The following KCNJ3 variants were observed in gnomAD, a reference collection of about 807,000 sequenced individuals.
The protein encoded by KCNJ3 is potassium inwardly rectifying channel subfamily J member 3.
A neutral mutation model predicts 39.2 loss-of-function variants in KCNJ3; 4 were observed. The observed-to-expected ratio is 0.10, with a 90% confidence interval of 0.05 to 0.23. KCNJ3 has a LOEUF of 0.23. Ranked by LOEUF, KCNJ3 falls within the 10% of genes least tolerant of loss-of-function variation. KCNJ3 has a pLI of 1.00. For missense variants in KCNJ3, 276 were observed against 634.9 expected, an observed-to-expected ratio of 0.43 and a Z score of 6.08; for synonymous variants, 230 against 237.4, an observed-to-expected ratio of 0.97 and a Z score of 0.29.
chr2:154,744,360 AC>A (rs1292456042), intron 2 of KCNJ3, among the ~76,000 whole-genome samples: 1 of 151,752 alleles, frequency 6.6e-6, no homozygotes, highest in Non-Finnish European at 1.5e-5. Flanking sequence ...TCAAAAATGA[AC>A]TGAGTAGACT....
At chr2:154,844,525 C>T (rs1687633870) in intron 2 of KCNJ3, among the ~76,000 whole-genome samples, 1 of 152,224 alleles carries the variant, frequency 6.6e-6, no homozygotes, top group Non-Finnish European at 1.5e-5. Context: ...TTGTCTGCTG[C>T]CTTTTGTTCA....
intron 2 of KCNJ3, among the ~76,000 whole-genome samples, chr2:154,784,997 A>G (rs183241768): frequency 1.3e-5 from 2 of 152,316 alleles, no homozygotes; most frequent in East Asian, 1.9e-4. Context: ...TGTGATGGTG[A>G]TAGCAGTGTG....
intron 2 of KCNJ3, among the ~76,000 whole-genome samples, chr2:154,821,619 A>C (rs1450137165): frequency 6.6e-6 from 1 of 150,964 alleles, no homozygotes; most frequent in South Asian, 2.1e-4. Context: ...CCAAAAAAAG[A>C]AAAAGAGAAT....
chr2:154,742,773 A>G (rs1427847928), intron 2 of KCNJ3, among the ~76,000 whole-genome samples: 1 of 151,780 alleles, frequency 6.6e-6, no homozygotes, highest in Non-Finnish European at 1.5e-5. Context: ...TCAGATGTCA[A>G]TTCTTTATCA....
chr2:154,732,846 A>G (rs374067755), intron 2 of KCNJ3, among the ~76,000 whole-genome samples: 47 of 152,302 alleles, frequency 3.1e-4, no homozygotes, highest in African/African-American at 1.0e-3. Context: ...ACTTGGAAGT[A>G]CCAGAGATTA....
At chr2:154,820,221 TATACAGC>T (rs953145240) in intron 2 of KCNJ3, among the ~76,000 whole-genome samples, 1 of 152,188 alleles carries the variant, frequency 6.6e-6, no homozygotes, top group Non-Finnish European at 1.5e-5. Flanking sequence ...CCTTGTTGCA[TATACAGC>T]CCACTTTATC....
chr2:154,714,173 ATTC>A, intron 2 of KCNJ3, among the ~76,000 whole-genome samples: 1 of 152,140 alleles, frequency 6.6e-6, no homozygotes, highest in East Asian at 1.9e-4. Flanking sequence ...TCAAGCTCCA[ATTC>A]TTAGCATCCC....
chr2:154,843,832 A>G (rs1574483995), intron 2 of KCNJ3, among the ~76,000 whole-genome samples: 1 of 152,114 alleles, frequency 6.6e-6, no homozygotes, highest in Admixed American at 6.5e-5. Flanking sequence ...CTAGTTAGCC[A>G]TTCGTCTAAT....
chr2:154,728,529 T>C (rs1385814408), intron 2 of KCNJ3, among the ~76,000 whole-genome samples: 2 of 152,220 alleles, frequency 1.3e-5, no homozygotes, highest in Non-Finnish European at 2.9e-5. Flanking sequence ...GGAATTTATG[T>C]GGTTGATTCC....
chr2:154,700,807 A>C lies in KCNJ3; in HGVS notation c.702+1330A>C, dbSNP rs1320076384. On this transcript the variant is annotated intron_variant, in intron 1 of 2. Coordinates refer to ENST00000295101, the MANE Select transcript of KCNJ3 (RefSeq NM_002239.4). ...TATCCTTGACCAAGTTGCTCAGTAA[A>C]GTGTTTAAATTAAAGCAGTTCACTT... 1.3e-5 allele frequency among the ~76,000 whole-genome samples: 2 copies of C among 152,150 alleles called. 1 individual carries two copies. The highest frequency in any genetic ancestry group is 2.9e-5 in the Non-Finnish European group (2 of 68,012).
intron 2 of KCNJ3, among the ~76,000 whole-genome samples, chr2:154,807,025 G>A (rs372372017): frequency 9.2e-5 from 14 of 152,086 alleles, no homozygotes; most frequent in Non-Finnish European, 1.9e-4. Context: ...TTCCATAATG[G>A]TGTCATTGAT....
chr2:154,804,309 A>C (rs1270683539), intron 2 of KCNJ3, among the ~76,000 whole-genome samples: 1 of 152,164 alleles, frequency 6.6e-6, no homozygotes. Flanking sequence ...AAAAGTTTCA[A>C]CTTCACTAGA....
chr2:154,850,112 C>T (rs1000678866), intron 2 of KCNJ3, among the ~76,000 whole-genome samples: 5 of 136,150 alleles, frequency 3.7e-5, no homozygotes, highest in African/African-American at 1.4e-4. Flanking sequence ...TGTTGCTTTG[C>T]CAGTTTCCAC....
chr2:154,852,403 A>G (rs570602232), intron 2 of KCNJ3, among the ~76,000 whole-genome samples: 2 of 152,310 alleles, frequency 1.3e-5, no homozygotes, highest in South Asian at 4.1e-4. Flanking sequence ...CTCGAAAAAC[A>G]TAAAAATAAA....
intron 2 of KCNJ3, among the ~76,000 whole-genome samples, chr2:154,829,091 T>C (rs944171897): frequency 5.3e-5 from 8 of 152,076 alleles, no homozygotes; most frequent in African/African-American, 1.9e-4. Flanking sequence ...TCAGAATGGG[T>C]ATACTAAGGG....
At position 154,713,837 on chromosome 2, in the gene KCNJ3, T is replaced by C. The variant is rs114014708; in HGVS notation, c.919+4018T>C. On this transcript the variant is annotated intron_variant, in intron 2 of 2. Coordinates refer to ENST00000295101, the MANE Select transcript of KCNJ3 (RefSeq NM_002239.4). ...TGCTTTCAAACTTCAATCTGGTTTC[T>C]GCTGCTATTTGGCAGTCTTTTTAAT... Among the ~76,000 whole-genome samples, 1,383 of 152,324 alleles carry C rather than the reference T, an allele frequency of 9.1e-3. 18 individuals are homozygous for C. The highest frequency in any genetic ancestry group is 0.03 in the African/African-American group (1,253 of 41,574).
At chr2:154,746,210 A>T (rs892004114) in intron 2 of KCNJ3, among the ~76,000 whole-genome samples, 30 of 152,030 alleles carry the variant, frequency 2.0e-4, no homozygotes, top group African/African-American at 7.0e-4. Flanking sequence ...CAATATATAA[A>T]CATATAACAT....
chr2:154,849,496 T>TC (rs1558891102), intron 2 of KCNJ3, among the ~76,000 whole-genome samples: 2 of 152,054 alleles, frequency 1.3e-5, no homozygotes, highest in African/African-American at 4.8e-5. Flanking sequence ...CTTTCTTCTC[T>TC]CCCCCAATCT....
In KCNJ3 at chr2:154,838,910, G is replaced by T. The variant is rs547546726; in HGVS notation, c.920-15817G>T. Among the ~76,000 whole-genome samples, 5 of 135,040 alleles carry T rather than the reference G, an allele frequency of 3.7e-5. No homozygotes were observed. The East Asian group carries it at 8.1e-4, about 22-fold the overall frequency. The allele number at this position is 135,040 out of a possible 152,430, so 88.6% of individuals were successfully genotyped here. Reference sequence around the variant, plus strand: ...AAATAATTAAATTCCAGCATTGCCTGGATGTTTCATTTTTTTAAGCTAGAA... The same window carrying T: ...AAATAATTAAATTCCAGCATTGCCTTGATGTTTCATTTTTTTAAGCTAGAA... On this transcript the variant is annotated intron_variant, in intron 2 of 2. Coordinates refer to ENST00000295101, the MANE Select transcript of KCNJ3 (RefSeq NM_002239.4).
Sources: gnomAD v4.1 joint callset for allele counts (sites outside exome capture counted in the v4.1 genomes callset) on GRCh38, gnomAD v4.1.1 for gene constraint, MANE v1.5 for transcripts, NCBI Gene and HGNC (gene_info 2026-07-23, HGNC 2026-07-21) for gene names.